The following MMUT variants were observed in gnomAD, a reference collection of about 807,000 sequenced individuals.
MMUT encodes the protein methylmalonyl-CoA mutase, mitochondrial.
Under a neutral mutation model 79.9 loss-of-function variants are expected in MMUT, and 79 were observed. The observed-to-expected ratio is 0.99, with a 90% CI of 0.82 to 1.19. The LOEUF is 1.19. Ranked by LOEUF, MMUT falls within the 50% of genes most tolerant of loss-of-function variation. The probability of loss-of-function intolerance (pLI) is 0.00; values close to 1 mark genes in which losing one functional copy is unlikely to be tolerated. For synonymous variants in MMUT, 273 were observed against 295.7 expected, an observed-to-expected ratio of 0.92 and a Z score of 0.79; for missense variants, 860 against 917.2, an observed-to-expected ratio of 0.94 and a Z score of 0.81.
In MMUT at chr6:49,431,638, T is replaced by C. The variant is rs530424880; in HGVS notation, c.*90A>G. 2.2e-6 allele frequency: 3 copies of C among 1,374,824 alleles called. No individual in the cohort carries two copies. Among genetic ancestry groups the C allele is most frequent in the Admixed American group, 3.6e-5 (2 of 56,330 alleles). 85.2% of individuals were successfully genotyped at this position (1,374,824 alleles called of 1,614,324 possible). A position where few individuals can be genotyped will look rare whatever the true frequency, so the allele number is the denominator to read the frequency against. ...TTTCAAGGAAAGTACAAATCAGGTA[T>C]TGAAATTAAATTGAAGACATAGCTT... On this transcript the variant is annotated 3_prime_UTR_variant, in exon 13 of 13. Transcript: ENST00000274813.
At chr6:49,452,509 A>G (rs1281044909) in intron 5 of MMUT, among the ~76,000 whole-genome samples, 2 of 151,784 alleles carry the variant, frequency 1.3e-5, no homozygotes, top group Non-Finnish European at 2.9e-5. Context: ...ATTTTTTTGT[A>G]TTTTTAGTAG....
intron 10 of MMUT, among the ~76,000 whole-genome samples, chr6:49,441,433 T>A (rs1049605144): frequency 6.6e-6 from 1 of 151,970 alleles, no homozygotes; most frequent in East Asian, 1.9e-4. Context: ...ACCTGGAGGA[T>A]ATGAAGCAAT....
intron 12 of MMUT, among the ~76,000 whole-genome samples, chr6:49,433,332 A>C (rs2127412537): frequency 6.6e-6 from 1 of 152,328 alleles, no homozygotes; most frequent in East Asian, 1.9e-4. Context: ...ACTGGAAGAG[A>C]ACTGCAAGAT....
At chr6:49,433,198 GTAA>G (rs1268570218) in intron 12 of MMUT, among the ~76,000 whole-genome samples, 2 of 152,124 alleles carry the variant, frequency 1.3e-5, no homozygotes, top group African/African-American at 2.4e-5. Context: ...AATGAAACAT[GTAA>G]TAATAATCAT....
At position 49,435,558 on chromosome 6, in the gene MMUT, G is replaced by C. The variant is rs772652266; in HGVS notation, c.2022C>G (p.Leu674=). The C allele has an allele frequency of 3.1e-6, 5 of 1,614,048 alleles. No individual in the cohort carries two copies. In the South Asian group the frequency reaches 5.5e-5, roughly 18 times the overall value. Residue 674 remains leucine (L), a synonymous_variant, in exon 12 of 13, where the codon CTC becomes CTG. Transcript: ENST00000274813. ...GAACTAGGGTTTTATGACCAGCAGC[G>C]AGGGTGCTTATGCCCACAGCATGCA... ...ADVHAVGIST[L]AAGHKTLVPE...
At chr6:49,457,657 CTA>C in intron 3 of MMUT, 32 bp downstream of exon 3, 1 of 1,570,060 alleles carries the variant, frequency 6.4e-7, no homozygotes, top group Middle Eastern at 2.3e-4. Flanking sequence ...ATTCAAGGAA[CTA>C]TAGAAAAACC....
At chr6:49,446,052 T>C (rs1767404235) in intron 8 of MMUT, among the ~76,000 whole-genome samples, 1 of 151,996 alleles carries the variant, frequency 6.6e-6, no homozygotes, top group Non-Finnish European at 1.5e-5. Flanking sequence ...AAGTACACCT[T>C]TTCTGGTTTA....
Position 49,451,673 on chromosome 6 carries a change from C to T in MMUT, c.1125G>A (p.Met375Ile), listed in dbSNP as rs148091558. 2,836 of 1,613,918 alleles carry T rather than the reference C, an allele frequency of 1.8e-3. 4 individuals are homozygous for T. Among genetic ancestry groups the T allele is most frequent in the Non-Finnish European group, 2.3e-3 (2,675 of 1,179,876 alleles). Reference protein sequence around the residue: ...NNIVRTAIEAMAAVFGGTQSL... With the variant: ...NNIVRTAIEAIAAVFGGTQSL... ...ACTGAGTCCCTCCAAATACTGCTGC[C>T]ATTGCTTCTATTGCAGTACGGACAA... Residue 375 changes from methionine to isoleucine, a missense_variant, in exon 6 of 13, where the codon ATG becomes ATA. Physicochemically the swap from Met to Ile is conservative, Grantham distance 10 (BLOSUM62 1). Transcript: ENST00000274813.
chr6:49,445,130 AAG>A (rs1323871974), intron 8 of MMUT, among the ~76,000 whole-genome samples: 1 of 152,118 alleles, frequency 6.6e-6, no homozygotes, highest in Non-Finnish European at 1.5e-5. Flanking sequence ...TAATAGTGAC[AAG>A]AAAAAAAATC....
chr6:49,440,793 C>A (rs114169137), intron 10 of MMUT, among the ~76,000 whole-genome samples: 412 of 152,214 alleles, frequency 2.7e-3, no homozygotes, highest in African/African-American at 9.3e-3. Context: ...AAATGACAAC[C>A]TCCCACCTTC....
chr6:49,449,420 C>A (rs1478275958), intron 6 of MMUT, among the ~76,000 whole-genome samples: 1 of 152,122 alleles, frequency 6.6e-6, no homozygotes, highest in East Asian at 1.9e-4. Context: ...GGATCAAGGT[C>A]AACCTGCTTT....
chr6:49,444,718 A>C lies in MMUT; in HGVS notation c.1597T>G (p.Cys533Gly). 6.2e-7 allele frequency: 1 copy of C among 1,613,484 alleles called. No homozygotes were observed. The highest frequency in any genetic ancestry group is 8.5e-7 in the Non-Finnish European group (1 of 1,179,526). The change falls in exon 9 of 13, where the codon TGT becomes GGT. Residue 533 changes from cysteine to glycine, a missense_variant. Physicochemically the swap from Cys to Gly is radical, Grantham distance 159. Transcript: ENST00000274813. ...GCACATTCGGTTAGTGCAGCAAGAC[A>C]ACGTTCAGCCAAAGCTTGATCCCTG... Reference protein sequence around the residue: ...SSRDQALAERCLAALTECAAS... With the variant: ...SSRDQALAERGLAALTECAAS...
intron 4 of MMUT, 140 bp downstream of exon 4, chr6:49,455,940 C>T: frequency 1.3e-6 from 1 of 741,796 alleles, no homozygotes; most frequent in Non-Finnish European, 2.1e-6. Context: ...TTGGCTTTTT[C>T]TCTCATTATC....
Position 49,456,238 on chromosome 6 carries a change from C to T in MMUT, c.754-1G>A, listed in dbSNP as rs76175991. ...AAATTGAATTAAATTTTGGCATGTG[C>T]TACATAAAAAAAAAAATTGTAACAG... On this transcript the variant is annotated splice_acceptor_variant, in intron 3 of 12. Transcript: ENST00000274813. LOFTEE classifies it high-confidence loss of function. 1 of 1,598,906 alleles carries T rather than the reference C, an allele frequency of 6.3e-7. No homozygotes were observed. Among genetic ancestry groups the T allele is most frequent in the Non-Finnish European group, 8.6e-7 (1 of 1,167,808 alleles).
chr6:49,457,674 AT>A lies in MMUT; in HGVS notation c.753+16del. 6.3e-7 allele frequency: 1 copy of A among 1,599,296 alleles called. No individual in the cohort carries two copies. The highest frequency in any genetic ancestry group is 8.5e-7 in the Non-Finnish European group (1 of 1,174,226). Reference sequence around the variant, plus strand: ...TCAAGGAACTATAGAAAAACCTATAATAACCACAAAGTATACCTTTGCTGTA... The same window carrying A: ...TCAAGGAACTATAGAAAAACCTATAAAACCACAAAGTATACCTTTGCTGTA... On this transcript the variant is annotated intron_variant, in intron 3 of 12. Coordinates refer to ENST00000274813, the MANE Select transcript of MMUT (RefSeq NM_000255.4).
chr6:49,462,664 C>T lies in MMUT; in HGVS notation c.-40+439G>A, dbSNP rs571720780. Among the ~76,000 whole-genome samples the T allele has an allele frequency of 7.1e-4, 108 of 152,174 alleles. 1 individual carries two copies. Among genetic ancestry groups the T allele is most frequent in the Non-Finnish European group, 1.4e-3 (93 of 68,040 alleles). The stretch of plus-strand genomic sequence containing the variant: ...TTACACTCTTAATCCTGTTTACACA[C>T]AGAAAATCACTTTTATTCCCGAAAA... On this transcript the variant is annotated intron_variant, in intron 1 of 12. Coordinates refer to ENST00000274813, the MANE Select transcript of MMUT (RefSeq NM_000255.4).
At chr6:49,447,599 T>A in intron 8 of MMUT, 71 bp downstream of exon 8, 46 of 861,876 alleles carry the variant, frequency 5.3e-5, no homozygotes, top group Admixed American at 2.0e-4. Context: ...AGCAGGACAG[T>A]TTAAAAGCTT....
chr6:49,457,309 T>C (rs1767713325), intron 3 of MMUT, among the ~76,000 whole-genome samples: 1 of 152,212 alleles, frequency 6.6e-6, no homozygotes, highest in South Asian at 2.1e-4. Flanking sequence ...ATATGAGTGA[T>C]AAGTGATATC....
In MMUT at chr6:49,430,953, T is replaced by C. The variant is rs886061553; in HGVS notation, c.*775A>G. 4.6e-5 allele frequency: 7 copies of C among 151,928 alleles called. No individual in the cohort carries two copies. The highest frequency in any genetic ancestry group is 2.1e-4 in the South Asian group (1 of 4,814). The allele number at this position is 151,928 out of a possible 1,614,324, so 9.4% of individuals were successfully genotyped here. A position where few individuals can be genotyped will look rare whatever the true frequency, so the allele number is the denominator to read the frequency against. On this transcript the variant is annotated 3_prime_UTR_variant, in exon 13 of 13. Transcript: ENST00000274813. ...TAGCATCTTTCTAGATCTGGAAAGT[T>C]GAATTCTTTCTATATCACAGACCTA...
Sources: allele counts gnomAD v4.1 joint callset (sites outside exome capture counted in the v4.1 genomes callset), GRCh38; gene constraint gnomAD v4.1.1; transcripts MANE v1.5; gene names NCBI Gene and HGNC (gene_info 2026-07-23, HGNC 2026-07-21).